Variants in BAZ2A observed in about 807,000 individuals in gnomAD.
The protein encoded by BAZ2A is bromodomain adjacent to zinc finger domain protein 2A.
Under a neutral mutation model 199.9 loss-of-function variants are expected in BAZ2A, and 34 were observed. The observed-to-expected ratio is 0.17, with a 90% CI of 0.13 to 0.23. The LOEUF is 0.23. Among genes scored for constraint, BAZ2A ranks in the 10% least tolerant of loss-of-function variants. BAZ2A has a pLI of 1.00. For missense variants in BAZ2A, 2,002 were observed against 2,391.1 expected (o/e 0.84, Z 3.39); for synonymous variants, 857 against 883.9 (o/e 0.97, Z 0.54).
rs1269348119 is a variant in BAZ2A at position 56,598,390 on chromosome 12, T to G, written c.*228A>C. On this transcript the variant is annotated 3_prime_UTR_variant, in exon 29 of 29. Transcript: ENST00000549884. ...TTTTCTTTCTTTTTTTGGCTTTTAG[T>G]CCAGAAGGACCTCATCTCTGCACCT... 1.9e-5 allele frequency: 9 copies of G among 481,846 alleles called. No homozygotes were observed. The highest frequency in any genetic ancestry group is 5.0e-4 in the Middle Eastern group (1 of 2,020). The allele number at this position is 481,846 out of a possible 1,614,324, so 29.8% of individuals were successfully genotyped here.
rs556515027 is a variant in BAZ2A at position 56,596,689 on chromosome 12, C to T, written c.*1929G>A. 3.3e-5 allele frequency: 5 copies of T among 152,460 alleles called. No homozygotes were observed. Among genetic ancestry groups the T allele is most frequent in the Non-Finnish European group, 7.4e-5 (5 of 68,014 alleles). The allele number at this position is 152,460 out of a possible 1,614,324, so 9.4% of individuals were successfully genotyped here. On this transcript the variant is annotated 3_prime_UTR_variant, in exon 29 of 29. Coordinates refer to ENST00000549884, the MANE Select transcript of BAZ2A (RefSeq NM_001300905.2). ...CTGTCTAACACAAAGTTTGTTACAG[C>T]GCAGTTATTTAGATAAAATATAAAT...
In BAZ2A at chr12:56,612,136, T is replaced by C; in HGVS notation, c.1246A>G (p.Thr416Ala). 2 of 1,613,898 alleles carry C rather than the reference T, an allele frequency of 1.2e-6. No individual in the cohort carries two copies. The highest frequency in any genetic ancestry group is 1.7e-6 in the Non-Finnish European group (2 of 1,179,876). Residue 416 changes from threonine (T) to alanine (A), a missense_variant, in exon 6 of 29, where the codon ACT (threonine) becomes GCT (alanine). By Grantham distance (58) the Thr-to-Ala change is moderately conservative (BLOSUM62 0). This residue lies in a region of BAZ2A where 641 missense variants were observed against 694.5 expected (regional missense o/e 0.92). Transcript: ENST00000549884. ...LTQPAPDQSS[T>A]IQLHPATSPA... is the part of the protein sequence containing the mutation. ...GAGGTTGCTGGATGTAGCTGAATAG[T>C]GGATGACTGATCAGGAGCTGGCTGG... is the stretch of plus-strand genomic sequence containing the variant.
chr12:56,630,170 G>C lies in BAZ2A; in HGVS notation c.-48C>G. ...CGGGCTCGGGGCTCGTCTCTCCCCG[G>C]GGTACAAGCGGTTCACATGGCCGCG... On this transcript the variant is annotated 5_prime_UTR_variant, in exon 1 of 29. Transcript: ENST00000549884. 4.1e-6 allele frequency: 4 copies of C among 985,606 alleles called. No homozygotes were observed. Among genetic ancestry groups the C allele is most frequent in the Non-Finnish European group, 4.8e-6 (4 of 830,054 alleles). 61.1% of individuals were successfully genotyped at this position (985,606 alleles called of 1,614,324 possible). A position where few individuals can be genotyped will look rare whatever the true frequency, so the allele number is the denominator to read the frequency against.
rs372354603 is a variant in BAZ2A, at chr12:56,605,315, A to G, written c.2506T>C (p.Phe836Leu). 2.3e-5 allele frequency: 37 copies of G among 1,612,144 alleles called. No individual in the cohort carries two copies. The highest frequency in any genetic ancestry group is 6.7e-5 in the Admixed American group (4 of 59,904). The change falls in exon 14 of 29, where the codon TTC (phenylalanine) becomes CTC (leucine). Residue 836 changes from phenylalanine (F) to leucine (L), a missense_variant. By Grantham distance (22) the Phe-to-Leu change is conservative (BLOSUM62 0). Transcript: ENST00000549884. ...CLTDHQPLPD[F>L]SRVPGLTLPS... ...AATGTCAGACCAGGGACTCGTGAGA[A>G]GTCAGGCAGGGGCTAGAGAGAGAAA...
chr12:56,612,955 C>T, intron 5 of BAZ2A, 60 bp downstream of exon 5: 2 of 1,517,948 alleles, frequency 1.3e-6, no homozygotes, highest in Non-Finnish European at 1.8e-6. Flanking sequence ...AACTATGAAA[C>T]TTATTCTCTC....
chr12:56,607,127 C>T (rs549686041), intron 10 of BAZ2A, among the ~76,000 whole-genome samples: 4 of 152,138 alleles, frequency 2.6e-5, no homozygotes, highest in Non-Finnish European at 5.9e-5. Flanking sequence ...AGAAAGGATA[C>T]AGCAAGCCAA....
At position 56,598,187 on chromosome 12, in the gene BAZ2A, A is replaced by G. The variant is rs1886024997; in HGVS notation, c.*431T>C. 1 of 173,430 alleles carries G rather than the reference A, an allele frequency of 5.8e-6. No individual in the cohort carries two copies. Among genetic ancestry groups the G allele is most frequent in the Admixed American group, 5.6e-5 (1 of 17,900 alleles). The allele number at this position is 173,430 out of a possible 1,614,324, so 10.7% of individuals were successfully genotyped here. ...TTACTGGCCGTCACTGCGGGTCCGCACACAGTACAGAGTGTTTCTTGGTTT... is the reference window on the plus strand; with the variant it reads ...TTACTGGCCGTCACTGCGGGTCCGCGCACAGTACAGAGTGTTTCTTGGTTT... On this transcript the variant is annotated 3_prime_UTR_variant, in exon 29 of 29. Coordinates refer to ENST00000549884, the MANE Select transcript of BAZ2A (RefSeq NM_001300905.2).
chr12:56,602,040 T>C lies in BAZ2A; in HGVS notation c.3577A>G (p.Thr1193Ala). Residue 1193 changes from threonine (T) to alanine (A), a missense_variant, in exon 20 of 29, where the codon ACT (threonine) becomes GCT (alanine). This residue lies in a region of BAZ2A where 1,081 missense variants were observed against 1,274.7 expected (regional missense o/e 0.85). Transcript: ENST00000549884. ...PARARGRPRK[T>A]KPGSMQPRHL... is the part of the protein sequence containing the mutation. ...CTAGGTTGCATAGACCCGGGCTTAGTTTTTCGAGGTCGGCCTCGGGCCCGG... is the reference window on the plus strand; with the variant it reads ...CTAGGTTGCATAGACCCGGGCTTAGCTTTTCGAGGTCGGCCTCGGGCCCGG... The C allele has an allele frequency of 6.4e-7, 1 of 1,555,160 alleles. No homozygotes were observed. The highest frequency in any genetic ancestry group is 8.7e-7 in the Non-Finnish European group (1 of 1,148,820).
intron 1 of BAZ2A, among the ~76,000 whole-genome samples, chr12:56,627,515 T>C (rs1951138979): frequency 7.0e-6 from 1 of 143,822 alleles, no homozygotes; most frequent in Middle Eastern, 4.1e-3. Context: ...TCTTTCAAAA[T>C]CTAAAATCCT....
Position 56,611,616 on chromosome 12 carries a change from G to T in BAZ2A, c.1627C>A (p.Arg543Ser). 6.2e-7 allele frequency: 1 copy of T among 1,610,352 alleles called. No individual in the cohort carries two copies. Among genetic ancestry groups the T allele is most frequent in the Non-Finnish European group, 8.5e-7 (1 of 1,178,616 alleles). ...CGAACTTCTTCTGGGGTAGCAATAC[G>T]TCTCCTCATGACATCACCTTGGGAG... ...ASGSGDVMRR[R>S]IATPEEVRLP... Residue 543 changes from arginine (R) to serine (S), a missense_variant, in exon 7 of 29, where the codon CGT becomes AGT. Coordinates refer to ENST00000549884, the MANE Select transcript of BAZ2A (RefSeq NM_001300905.2).
In BAZ2A at chr12:56,614,964, C is replaced by T. The variant is rs182297236; in HGVS notation, c.730+50G>A. The T allele has an allele frequency of 2.1e-5, 32 of 1,532,012 alleles. 1 individual carries two copies. The highest frequency in any genetic ancestry group is 1.7e-4 in the Middle Eastern group (1 of 5,964). 94.9% of individuals were successfully genotyped at this position (1,532,012 alleles called of 1,614,324 possible). On this transcript the variant is annotated intron_variant, in intron 3 of 28. Coordinates refer to ENST00000549884, the MANE Select transcript of BAZ2A (RefSeq NM_001300905.2). ...CTCACCTCAAAAAGCCACTATCCCC[C>T]CCGAGCTCCATTTTTCCTTTCCCCA...
Position 56,615,288 on chromosome 12 carries a change from G to T in BAZ2A, c.456C>A (p.Thr152=), listed in dbSNP as rs751396825. ...CAAAGTTAAGCCCCATGGGACTCTG[G>T]GTACCGTTGGCCCAGAACTCTTGGC... is the stretch of plus-strand genomic sequence containing the variant. ...AGSQEFWANG[T]QSPMGLNFDS... Residue 152 remains threonine, a synonymous_variant, in exon 3 of 29, where the codon ACC becomes ACA. Transcript: ENST00000549884. The T allele has an allele frequency of 1.2e-6, 2 of 1,613,858 alleles. No individual in the cohort carries two copies. Among genetic ancestry groups the T allele is most frequent in the African/African-American group, 2.7e-5 (2 of 74,908 alleles).
upstream of BAZ2A, chr12:56,635,000 G>C (rs982567910): frequency 6.1e-6 from 6 of 984,604 alleles, no homozygotes; most frequent in African/African-American, 8.8e-5. Context: ...GCAGGTGGCC[G>C]AGCCGGGCGG....
chr12:56,608,517 TA>T (rs1251634921), intron 10 of BAZ2A, among the ~76,000 whole-genome samples: 1 of 152,128 alleles, frequency 6.6e-6, no homozygotes, highest in African/African-American at 2.4e-5. Flanking sequence ...CTGAAAAATG[TA>T]GGTATTTCTC....
Position 56,601,657 on chromosome 12 carries a change from G to C in BAZ2A, c.3960C>G (p.Leu1320=). ...GCATCTGGGCTGAGATGTTAAACCA[G>C]AGTGCTTGAGGATCAGGGCTGGATT... The part of the protein sequence containing the change: ...EAESSPDPQA[L]WFNISAQMPC... The change falls in exon 20 of 29, where the codon CTC becomes CTG. Residue 1320 remains leucine, a synonymous_variant. Coordinates refer to ENST00000549884, the MANE Select transcript of BAZ2A (RefSeq NM_001300905.2). 1 of 1,614,024 alleles carries C rather than the reference G, an allele frequency of 6.2e-7. No individual in the cohort carries two copies. The highest frequency in any genetic ancestry group is 2.2e-5 in the East Asian group (1 of 44,880).
chr12:56,630,373 T>C, upstream of BAZ2A: 3 of 714,040 alleles, frequency 4.2e-6, no homozygotes, highest in Non-Finnish European at 5.1e-6. Context: ...GGAGAGAGTC[T>C]CCCCACGCGG....
At chr12:56,631,177 A>C (rs1374139832), upstream of BAZ2A, among the ~76,000 whole-genome samples, 1 of 152,132 alleles carries the variant, frequency 6.6e-6, no homozygotes, top group Non-Finnish European at 1.5e-5. Flanking sequence ...TTCAGGCCGG[A>C]CGCGGTGGCT....
chr12:56,611,483 C>A (rs530441003), intron 7 of BAZ2A, 90 bp downstream of exon 7: 8 of 1,322,258 alleles, frequency 6.1e-6, no homozygotes, highest in Admixed American at 1.8e-5. Context: ...ATTCCTCCCC[C>A]ACCTCAGAGG....
In BAZ2A at chr12:56,601,571, G is replaced by T; in HGVS notation, c.4046C>A (p.Pro1349His). ...TGGCTTGGAGGAGGCAAGCTGCTGAGGGGAGGGAGTGGGTTGGTCCTCAGA... is the reference window on the plus strand; with the variant it reads ...TGGCTTGGAGGAGGCAAGCTGCTGATGGGAGGGAGTGGGTTGGTCCTCAGA... The part of the protein sequence containing the change: ...AVSEDQPTPS[P>H]QQLASSKPMN... The change falls in exon 20 of 29, where the codon CCT becomes CAT. Residue 1349 changes from proline to histidine, a missense_variant. By Grantham distance (77) the Pro-to-His change is moderately conservative. Transcript: ENST00000549884. The T allele has an allele frequency of 6.2e-7, 1 of 1,613,408 alleles. No individual in the cohort carries two copies. Among genetic ancestry groups the T allele is most frequent in the Non-Finnish European group, 8.5e-7 (1 of 1,179,856 alleles).
Sources: allele counts gnomAD v4.1 joint callset (sites outside exome capture counted in the v4.1 genomes callset), GRCh38; gene constraint gnomAD v4.1.1; regional missense constraint gnomAD v4.1.1; transcripts MANE v1.5; gene names NCBI Gene and HGNC (gene_info 2026-07-23, HGNC 2026-07-21).